G3BP2: variants seen among roughly 807,000 people sequenced by gnomAD.
G3BP2 encodes the protein G3BP stress granule assembly factor 2.
G3BP2 carries 11 observed loss-of-function variants against 56.7 expected under a neutral mutation model. The ratio of observed to expected loss-of-function variants is 0.19; its 90% CI spans 0.12 to 0.32. The LOEUF (loss-of-function observed/expected upper bound fraction) is 0.32. G3BP2 is among the 10% of genes least tolerant of loss of function. G3BP2 has a pLI of 1.00. For synonymous variants in G3BP2, 165 were observed against 191.6 expected (o/e 0.86, Z 1.15); for missense variants, 340 against 610.9 (o/e 0.56, Z 4.67).
chr4:75,649,457 T>C (rs1731502890), intron 8 of G3BP2, among the ~76,000 whole-genome samples: 1 of 152,172 alleles, frequency 6.6e-6, no homozygotes, highest in African/African-American at 2.4e-5. Flanking sequence ...CTGGGAGTAA[T>C]AGGACAGTTT....
chr4:75,674,335 G>GC (rs1489460769), upstream of G3BP2, among the ~76,000 whole-genome samples: 2 of 152,200 alleles, frequency 1.3e-5, no homozygotes, highest in Non-Finnish European at 2.9e-5. Flanking sequence ...CATGGTGGAC[G>GC]CAAGCATGTA....
At chr4:75,673,543 C>T, upstream of G3BP2, 1 of 1,232,184 alleles carries the variant, frequency 8.1e-7, no homozygotes, top group Non-Finnish European at 1.0e-6. Context: ...TGTCCCTCTG[C>T]GGAGCACGCG....
chr4:75,655,502 T>C (rs1371898391), intron 6 of G3BP2, among the ~76,000 whole-genome samples: 2 of 152,236 alleles, frequency 1.3e-5, no homozygotes, highest in Non-Finnish European at 2.9e-5. Context: ...ACCTTATCTT[T>C]TATAAAAATA....
intron 1 of G3BP2, chr4:75,672,915 A>T: frequency 1.5e-6 from 1 of 651,962 alleles, no homozygotes; most frequent in Non-Finnish European, 1.9e-6. Context: ...CCACTTCGCC[A>T]CCTCATCCCC....
chr4:75,723,345 C>T (rs1355484819), intron 1 of G3BP2, among the ~76,000 whole-genome samples: 1 of 152,134 alleles, frequency 6.6e-6, no homozygotes, highest in Non-Finnish European at 1.5e-5. Context: ...TGTTGTTAGT[C>T]TCACCCAAGG....
At chr4:75,676,479 A>T (rs1218377808), upstream of G3BP2, among the ~76,000 whole-genome samples, 1 of 151,644 alleles carries the variant, frequency 6.6e-6, no homozygotes, top group Admixed American at 6.6e-5. Flanking sequence ...AGTGGCTAGG[A>T]CTACAGGCAT....
Position 75,644,223 on chromosome 4 carries a change from A to G in G3BP2, c.*1207T>C, listed in dbSNP as rs944422315. The G allele has an allele frequency of 9.2e-5, 14 of 152,562 alleles. No individual in the cohort carries two copies. Among genetic ancestry groups the G allele is most frequent in the Non-Finnish European group, 1.6e-4 (11 of 68,032 alleles). The allele number at this position is 152,562 out of a possible 1,614,324, so 9.5% of individuals were successfully genotyped here. On this transcript the variant is annotated 3_prime_UTR_variant, in exon 12 of 12. Coordinates refer to ENST00000359707, the MANE Select transcript of G3BP2 (RefSeq NM_203505.3). ...ACTGACTTTTCCAAGCCCTGAAGTG[A>G]TATGTTTCAACGTCCACATTCAGGC...
At chr4:75,680,368 T>C (rs187038452) in intron 3 of G3BP2, among the ~76,000 whole-genome samples, 1 of 152,312 alleles carries the variant, frequency 6.6e-6, no homozygotes, top group East Asian at 1.9e-4. Flanking sequence ...CAAATCGCAT[T>C]TTCTTCACTA....
intron 3 of G3BP2, among the ~76,000 whole-genome samples, chr4:75,699,296 TAA>T (rs961100969): frequency 6.6e-6 from 1 of 152,228 alleles, no homozygotes; most frequent in Non-Finnish European, 1.5e-5. Flanking sequence ...GCAAAGCTCC[TAA>T]AAAGAGATTT....
chr4:75,710,842 T>C (rs1285981382), intron 3 of G3BP2, among the ~76,000 whole-genome samples: 1 of 152,054 alleles, frequency 6.6e-6, no homozygotes, highest in Non-Finnish European at 1.5e-5. Context: ...AATTTTTTTT[T>C]TTAAGAGATG....
At position 75,657,808 on chromosome 4, in the gene G3BP2, G is replaced by C. The variant is rs2271512; in HGVS notation, c.178-78C>G. On this transcript the variant is annotated intron_variant, in intron 3 of 11. Coordinates refer to ENST00000359707, the MANE Select transcript of G3BP2 (RefSeq NM_203505.3). Reference sequence around the variant, plus strand: ...CACAATAATATTACCTACCCTCATTGATTTCCTTACAACTCTGCAATATTA... The same window carrying C: ...CACAATAATATTACCTACCCTCATTCATTTCCTTACAACTCTGCAATATTA... 2.7e-3 allele frequency: 2,363 copies of C among 889,948 alleles called. 66 individuals carry two copies. The East Asian group carries it at 0.054, about 21-fold the overall frequency. The allele number at this position is 889,948 out of a possible 1,614,324, so 55.1% of individuals were successfully genotyped here.
chr4:75,692,490 T>G (rs1718902046), intron 3 of G3BP2, among the ~76,000 whole-genome samples: 1 of 152,056 alleles, frequency 6.6e-6, no homozygotes, highest in Non-Finnish European at 1.5e-5. Context: ...TTTTGTGTTT[T>G]TAGTAGAGAC....
chr4:75,707,481 A>T (rs28520310), intron 3 of G3BP2, among the ~76,000 whole-genome samples: 1 of 151,274 alleles, frequency 6.6e-6, no homozygotes, highest in East Asian at 2.0e-4. Context: ...TGGTGGCGGG[A>T]GCCTGTAGTC....
chr4:75,705,636 G>C (rs1197061507), intron 3 of G3BP2, among the ~76,000 whole-genome samples: 1 of 152,164 alleles, frequency 6.6e-6, no homozygotes, highest in African/African-American at 2.4e-5. Context: ...GGGAAGGAGA[G>C]TGAGGGACAA....
chr4:75,704,708 C>T (rs1276207103), intron 3 of G3BP2, among the ~76,000 whole-genome samples: 1 of 152,064 alleles, frequency 6.6e-6, no homozygotes, highest in African/African-American at 2.4e-5. Flanking sequence ...TCTCGGCTAA[C>T]GGCAACCTCC....
At chr4:75,715,880 AC>A (rs950040581) in intron 3 of G3BP2, among the ~76,000 whole-genome samples, 4 of 152,238 alleles carry the variant, frequency 2.6e-5, no homozygotes, top group African/African-American at 9.6e-5. Context: ...CACCATAAAT[AC>A]CAAAATACCA....
chr4:75,704,406 C>T (rs1462313611), intron 3 of G3BP2, among the ~76,000 whole-genome samples: 6 of 151,794 alleles, frequency 4.0e-5, no homozygotes, highest in Admixed American at 3.9e-4. Context: ...CAGCTTGGAA[C>T]TCCTGGGCTC....
intron 2 of G3BP2, among the ~76,000 whole-genome samples, chr4:75,659,462 T>C (rs1328585126): frequency 2.0e-5 from 3 of 152,222 alleles, no homozygotes; most frequent in Non-Finnish European, 4.4e-5. Flanking sequence ...CAGCATCTAA[T>C]TTCTTTTTAA....
intron 1 of G3BP2, 106 bp from the exon 2 acceptor site, chr4:75,662,155 C>T (rs1042019320): frequency 3.2e-6 from 2 of 632,248 alleles, no homozygotes; most frequent in Admixed American, 2.8e-5. Flanking sequence ...GAGTTGTATA[C>T]CAATTTTAGT....
Sources: allele counts gnomAD v4.1 joint callset (sites outside exome capture counted in the v4.1 genomes callset), GRCh38; gene constraint gnomAD v4.1.1; transcripts MANE v1.5; gene names NCBI Gene and HGNC (gene_info 2026-07-23, HGNC 2026-07-21).